The following ICA1L variants were observed in gnomAD, a reference collection of about 807,000 sequenced individuals.
ICA1L encodes islet cell autoantigen 1-like protein.
A neutral mutation model predicts 61.3 loss-of-function variants in ICA1L; 50 were observed. That is an observed-to-expected ratio of 0.82 (90% CI 0.65 to 1.03). ICA1L has a LOEUF of 1.03. Among genes scored for constraint, ICA1L ranks in the 50% least tolerant of loss-of-function variants. The pLI, the probability that ICA1L is intolerant of heterozygous loss-of-function variation, is 0.00. For missense variants in ICA1L, 508 were observed against 556.7 expected (o/e 0.91, Z 0.88); for synonymous variants, 161 against 191.3 (o/e 0.84, Z 1.31).
At chr2:202,806,678 A>AG (rs888123733) in intron 9 of ICA1L, among the ~76,000 whole-genome samples, 2 of 152,020 alleles carry the variant, frequency 1.3e-5, no homozygotes, top group African/African-American at 4.8e-5. Context: ...GGTAAAAAAA[A>AG]GAAAATATTT....
chr2:202,842,196 C>T (rs895090121), intron 1 of ICA1L, among the ~76,000 whole-genome samples: 1 of 152,124 alleles, frequency 6.6e-6, no homozygotes, highest in Non-Finnish European at 1.5e-5. Context: ...TTTTAACATT[C>T]ATATTAAAGA....
At chr2:202,816,317 A>C (rs1208529826) in intron 6 of ICA1L, among the ~76,000 whole-genome samples, 1 of 152,230 alleles carries the variant, frequency 6.6e-6, no homozygotes, top group Non-Finnish European at 1.5e-5. Flanking sequence ...CTGAGATATC[A>C]AAAAGAGAAA....
intron 10 of ICA1L, among the ~76,000 whole-genome samples, chr2:202,791,743 G>C (rs1363778239): frequency 5.9e-5 from 9 of 152,162 alleles, no homozygotes; most frequent in Admixed American, 5.9e-4. Flanking sequence ...CTACTCAGGA[G>C]GCAAGGTTGG....
rs753034043 is a variant in ICA1L at position 202,817,404 on chromosome 2, ATGGAGG to A, written c.684+8_684+13del. On this transcript the variant is annotated splice_region_variant and intron_variant, in intron 6 of 12. Coordinates refer to ENST00000358299, the MANE Select transcript of ICA1L (RefSeq NM_001288622.3). ...TCTTTACTGCAAGGATATGCTGACC[ATGGAGG>A]TGGGTACCTGGTAGGTAGTGAGCGA... The A allele has an allele frequency of 1.3e-4, 204 of 1,565,478 alleles. No homozygotes were observed. In the African/African-American group the frequency reaches 2.6e-3, roughly 20 times the overall value.
At chr2:202,823,157 C>G (rs1693743428) in intron 3 of ICA1L, among the ~76,000 whole-genome samples, 1 of 152,096 alleles carries the variant, frequency 6.6e-6, no homozygotes, top group Non-Finnish European at 1.5e-5. Context: ...AAAGAGCAGT[C>G]AATGAGGCTG....
intron 1 of ICA1L, chr2:202,841,018 C>A: frequency 1.5e-6 from 1 of 666,840 alleles, no homozygotes. Context: ...CTGTCCATGT[C>A]CAGGGAGTGG....
intron 1 of ICA1L, chr2:202,841,173 G>C (rs1694319024): frequency 3.0e-6 from 2 of 667,396 alleles, no homozygotes; most frequent in East Asian, 2.9e-5. Flanking sequence ...GTTCATATAA[G>C]CTTCATCCAC....
In ICA1L at chr2:202,788,947, T is replaced by G. The variant is rs200350888; in HGVS notation, c.1126A>C (p.Ser376Arg). ...QECQTAFGSP[S>R]ASLTSQEPSM... ...GGCTCCTGGGATGTGAGACTGGCACTGGGGCTCCCAAAGGCAGTCTGGCAT... is the reference window on the plus strand; with the variant it reads ...GGCTCCTGGGATGTGAGACTGGCACGGGGGCTCCCAAAGGCAGTCTGGCAT... The change falls in exon 11 of 13, where the codon AGT becomes CGT. Residue 376 changes from serine (S) to arginine (R), a missense_variant. Physicochemically the swap from Ser to Arg is moderately radical, Grantham distance 110. Transcript: ENST00000358299. 6.2e-7 allele frequency: 1 copy of G among 1,614,142 alleles called. No homozygotes were observed. Among genetic ancestry groups the G allele is most frequent in the African/African-American group, 1.3e-5 (1 of 75,034 alleles).
In ICA1L at chr2:202,861,020, C is replaced by T. The variant is rs539479404; in HGVS notation, c.-8+10599G>A. On this transcript the variant is annotated intron_variant, in intron 1 of 12. Coordinates refer to ENST00000358299, the MANE Select transcript of ICA1L (RefSeq NM_001288622.3). ...CGAGGTAGGTGGATCACCTGAGGTACGGAGTTCAAGACCAGCCTGACCAAC... is the reference window on the plus strand; with the variant it reads ...CGAGGTAGGTGGATCACCTGAGGTATGGAGTTCAAGACCAGCCTGACCAAC... Among the ~76,000 whole-genome samples the T allele has an allele frequency of 5.3e-5, 8 of 151,578 alleles. No individual in the cohort carries two copies. The South Asian group carries it at 6.2e-4, about 12-fold the overall frequency.
intron 1 of ICA1L, among the ~76,000 whole-genome samples, chr2:202,857,833 A>G (rs1191917769): frequency 6.6e-6 from 1 of 152,078 alleles, no homozygotes; most frequent in African/African-American, 2.4e-5. Flanking sequence ...ACACTTCTCA[A>G]AAGACATTTA....
chr2:202,844,357 C>T (rs1694411191), intron 1 of ICA1L: 1 of 151,942 alleles, frequency 6.6e-6, no homozygotes, highest in South Asian at 2.1e-4. Flanking sequence ...GCCAGAGGGA[C>T]ACAGTGAGAC....
intron 10 of ICA1L, among the ~76,000 whole-genome samples, chr2:202,793,604 G>T (rs1225874497): frequency 1.3e-5 from 2 of 151,288 alleles, no homozygotes; most frequent in African/African-American, 4.9e-5. Context: ...GCTTGAACCT[G>T]GGAGGTGGAG....
rs1472669815 is a variant in ICA1L, at chr2:202,849,499, T to C, written c.-7-20483A>G. On this transcript the variant is annotated intron_variant, in intron 1 of 12. Coordinates refer to ENST00000358299, the MANE Select transcript of ICA1L (RefSeq NM_001288622.3). This position sits in a 1 kb window ranked among gnomAD's most constrained non-coding sequence, Gnocchi z 4.5. ...TGAGTAGGCAGTTTTCCCCTGACAG[T>C]GCTAAGGAGGCCAGGCAGTTTAGAC... Among the ~76,000 whole-genome samples, 2 of 151,886 alleles carry C rather than the reference T, an allele frequency of 1.3e-5. No individual in the cohort carries two copies. Among genetic ancestry groups the C allele is most frequent in the Non-Finnish European group, 2.9e-5 (2 of 68,034 alleles).
intron 1 of ICA1L, among the ~76,000 whole-genome samples, chr2:202,837,412 T>C (rs1172442075): frequency 6.6e-6 from 1 of 151,836 alleles, no homozygotes; most frequent in Non-Finnish European, 1.5e-5. Context: ...GCCTCCTGAG[T>C]AGCTGGGATT....
chr2:202,774,277 G>T lies in ICA1L; in HGVS notation c.*5256C>A, dbSNP rs1432899452. On this transcript the variant is annotated 3_prime_UTR_variant, in exon 13 of 13. Coordinates refer to ENST00000358299, the MANE Select transcript of ICA1L (RefSeq NM_001288622.3). ...CGGCCAAAGGCCGTGACCCCGACGCGTGCAGGCACCTACGGGCGACCGCGG... is the reference window on the plus strand; with the variant it reads ...CGGCCAAAGGCCGTGACCCCGACGCTTGCAGGCACCTACGGGCGACCGCGG... 2 of 1,541,526 alleles carry T rather than the reference G, an allele frequency of 1.3e-6. No individual in the cohort carries two copies. The highest frequency in any genetic ancestry group is 1.7e-6 in the Non-Finnish European group (2 of 1,144,576).
At chr2:202,797,212 T>C (rs569328107) in intron 9 of ICA1L, among the ~76,000 whole-genome samples, 1 of 151,858 alleles carries the variant, frequency 6.6e-6, no homozygotes, top group Non-Finnish European at 1.5e-5. Flanking sequence ...GGTACTCTAT[T>C]AAGTCTCTGT....
intron 1 of ICA1L, among the ~76,000 whole-genome samples, chr2:202,839,999 A>C (rs1694278154): frequency 1.3e-5 from 2 of 151,522 alleles, no homozygotes; most frequent in African/African-American, 4.8e-5. Flanking sequence ...TTGATGTCAC[A>C]ATTTACATCT....
At chr2:202,813,353 C>CA (rs1274118362) in intron 8 of ICA1L, among the ~76,000 whole-genome samples, 4 of 151,288 alleles carry the variant, frequency 2.6e-5, no homozygotes, top group Admixed American at 1.3e-4. Context: ...TTCAAGTTAG[C>CA]AAAAAAAATT....
At chr2:202,792,154 C>T (rs144657331) in intron 10 of ICA1L, among the ~76,000 whole-genome samples, 49 of 152,058 alleles carry the variant, frequency 3.2e-4, no homozygotes, top group Non-Finnish European at 3.7e-4. Flanking sequence ...GGTGACAGAG[C>T]GAGACTCCAT....
Sources: gnomAD v4.1 joint callset for allele counts (sites outside exome capture counted in the v4.1 genomes callset) on GRCh38, gnomAD v4.1.1 for gene constraint, Gnocchi (gnomAD v3.1) non-coding constraint, MANE v1.5 for transcripts, NCBI Gene and HGNC (gene_info 2026-07-23, HGNC 2026-07-21) for gene names.